The following CTNNA2 variants were observed in gnomAD, a reference collection of about 807,000 sequenced individuals.
The protein encoded by CTNNA2 is catenin alpha 2.
Under a neutral mutation model 101.0 loss-of-function variants are expected in CTNNA2, and 42 were observed. The ratio of observed to expected loss-of-function variants is 0.42; its 90% CI spans 0.32 to 0.54. The LOEUF (loss-of-function observed/expected upper bound fraction) is 0.54, where lower values mean the gene tolerates loss of function less well. Ranked by LOEUF, CTNNA2 falls within the 20% of genes least tolerant of loss-of-function variation. CTNNA2 has a pLI of 0.14. For missense variants in CTNNA2, 871 were observed against 1,223.1 expected (o/e 0.71, Z 4.29); for synonymous variants, 450 against 456.4 (o/e 0.99, Z 0.18).
At chr2:80,441,506 G>A (rs1431207668) in intron 9 of CTNNA2, among the ~76,000 whole-genome samples, 1 of 151,856 alleles carries the variant, frequency 6.6e-6, no homozygotes, top group African/African-American at 2.4e-5. Context: ...AGCTCATGTT[G>A]GGTTGCAAAA....
chr2:79,366,920 T>C (rs1677763358), intron 3 of CTNNA2, among the ~76,000 whole-genome samples: 1 of 152,234 alleles, frequency 6.6e-6, no homozygotes, highest in African/African-American at 2.4e-5. Flanking sequence ...TGGGACGGTC[T>C]CACTGAGACA....
chr2:80,236,764 A>C (rs982435673), intron 7 of CTNNA2, among the ~76,000 whole-genome samples: 6 of 152,340 alleles, frequency 3.9e-5, no homozygotes, highest in South Asian at 2.1e-4. Flanking sequence ...TAAGTGAAAT[A>C]GTTTTCCTGG....
intron 4 of CTNNA2, among the ~76,000 whole-genome samples, chr2:79,408,290 TTTATTATTA>T (rs67079601): frequency 9.6e-4 from 142 of 147,808 alleles, no homozygotes; most frequent in East Asian, 3.6e-3. Flanking sequence ...AAAGAATAAA[TTTATTATTA>T]TTATTATTAT....
At chr2:79,863,754 C>T (rs1681819488) in intron 4 of CTNNA2, among the ~76,000 whole-genome samples, 1 of 152,114 alleles carries the variant, frequency 6.6e-6, no homozygotes, top group African/African-American at 2.4e-5. Flanking sequence ...CCTACCAGGC[C>T]TGAGATCCAG....
intron 3 of CTNNA2, among the ~76,000 whole-genome samples, chr2:79,317,240 G>A (rs563700287): frequency 3.4e-4 from 51 of 152,050 alleles, no homozygotes; most frequent in Middle Eastern, 3.4e-3. Context: ...AACAAATCTC[G>A]CATTATTGGG....
At chr2:79,258,893 C>T (rs186699717) in intron 2 of CTNNA2, among the ~76,000 whole-genome samples, 14 of 147,862 alleles carry the variant, frequency 9.5e-5, no homozygotes, top group Non-Finnish European at 1.6e-4. Context: ...CTGATTGTAC[C>T]GAATATGGAG....
chr2:79,407,455 C>T (rs1241523722), intron 4 of CTNNA2, among the ~76,000 whole-genome samples: 2 of 151,760 alleles, frequency 1.3e-5, no homozygotes, highest in East Asian at 1.9e-4. Flanking sequence ...TTTTTTCTCT[C>T]CCCATATGCA....
At chr2:79,333,390 T>C (rs558351225) in intron 3 of CTNNA2, among the ~76,000 whole-genome samples, 14 of 152,290 alleles carry the variant, frequency 9.2e-5, no homozygotes, top group African/African-American at 3.4e-4. Context: ...TAAAAGATGA[T>C]TCCTACACAA....
At chr2:79,732,437 A>G (rs1687261947) in intron 2 of CTNNA2, among the ~76,000 whole-genome samples, 1 of 152,146 alleles carries the variant, frequency 6.6e-6, no homozygotes, top group African/African-American at 2.4e-5. Context: ...GCAAAGCTTT[A>G]TCTGCCAAAT....
At chr2:80,350,552 G>T (rs1343560242) in intron 7 of CTNNA2, among the ~76,000 whole-genome samples, 1 of 152,136 alleles carries the variant, frequency 6.6e-6, no homozygotes, top group Non-Finnish European at 1.5e-5. Flanking sequence ...CTGATTACAT[G>T]AATGCTAGCT....
intron 7 of CTNNA2, among the ~76,000 whole-genome samples, chr2:80,329,555 T>C (rs1165800914): frequency 6.6e-6 from 1 of 152,104 alleles, no homozygotes; most frequent in Non-Finnish European, 1.5e-5. Context: ...AGGGAACAGG[T>C]TGGCCAGACT....
chr2:79,801,882 C>A (rs1223756093), intron 3 of CTNNA2, among the ~76,000 whole-genome samples: 1 of 151,190 alleles, frequency 6.6e-6, no homozygotes, highest in Non-Finnish European at 1.5e-5. Flanking sequence ...ATCTAAGCTA[C>A]TCGGGAGGCT....
intron 3 of CTNNA2, among the ~76,000 whole-genome samples, chr2:79,852,438 C>T (rs1271060291): frequency 6.6e-6 from 1 of 152,200 alleles, no homozygotes; most frequent in Non-Finnish European, 1.5e-5. Flanking sequence ...CTTATTCTGG[C>T]TGTTTCATTA....
At chr2:80,498,837 C>T (rs530844255) in intron 9 of CTNNA2, among the ~76,000 whole-genome samples, 10 of 152,124 alleles carry the variant, frequency 6.6e-5, no homozygotes, top group Non-Finnish European at 1.0e-4. Flanking sequence ...GCTAAATAGT[C>T]GGGTTTTTAT....
intron 1 of CTNNA2, among the ~76,000 whole-genome samples, chr2:79,578,353 G>A (rs1224595449): frequency 1.3e-5 from 2 of 151,660 alleles, no homozygotes; most frequent in East Asian, 1.9e-4. Context: ...ATTCTTTAAC[G>A]GTATATTCAG....
chr2:79,496,785 A>G (rs1671261107), intron 4 of CTNNA2, among the ~76,000 whole-genome samples: 1 of 152,064 alleles, frequency 6.6e-6, no homozygotes, highest in African/African-American at 2.4e-5. Context: ...TTATATTAAA[A>G]TGGTTCAAGT....
At chr2:80,016,347 C>T (rs985421259) in intron 7 of CTNNA2, among the ~76,000 whole-genome samples, 33 of 152,082 alleles carry the variant, frequency 2.2e-4, no homozygotes, top group African/African-American at 6.5e-4. Context: ...TGGGTCAATA[C>T]GGAGTGCCAG....
Position 80,249,832 on chromosome 2 carries a change from T to C in CTNNA2, c.1057-143379T>C, listed in dbSNP as rs1671614312. On this transcript the variant is annotated intron_variant, in intron 7 of 18. Transcript: ENST00000402739. ...TGAAAAACCATAGCATACCTGTTATTAAAAATTCTTCATCATTATTATGTT... is the reference window on the plus strand; with the variant it reads ...TGAAAAACCATAGCATACCTGTTATCAAAAATTCTTCATCATTATTATGTT... Among the ~76,000 whole-genome samples, 5 of 152,336 alleles carry C rather than the reference T, an allele frequency of 3.3e-5. No homozygotes were observed. In the South Asian group the frequency reaches 1.0e-3, roughly 32 times the overall value.
chr2:80,431,320 T>C (rs1385970646), intron 9 of CTNNA2, among the ~76,000 whole-genome samples: 1 of 152,226 alleles, frequency 6.6e-6, no homozygotes, highest in Non-Finnish European at 1.5e-5. Context: ...TTGGACCTGA[T>C]GACTGGAGTT....
Sources: allele counts gnomAD v4.1 joint callset (sites outside exome capture counted in the v4.1 genomes callset), GRCh38; gene constraint gnomAD v4.1.1; transcripts MANE v1.5; gene names NCBI Gene and HGNC (gene_info 2026-07-23, HGNC 2026-07-21).